Variants in LIMS1 observed in about 807,000 individuals in gnomAD.
The protein encoded by LIMS1 is LIM and senescent cell antigen-like-containing domain protein 1.
In LIMS1, 18 loss-of-function variants were observed where a neutral mutation model predicts 44.1. The observed-to-expected ratio is 0.41, with a 90% CI of 0.28 to 0.61. LIMS1 has a LOEUF of 0.61. Ranked by LOEUF, LIMS1 falls within the 20% of genes least tolerant of loss-of-function variation. The probability of loss-of-function intolerance (pLI) is 0.32; values close to 1 mark genes in which losing one functional copy is unlikely to be tolerated. For missense variants in LIMS1, 201 were observed against 422.0 expected (o/e 0.48, Z 4.59); for synonymous variants, 93 against 149.1 (o/e 0.62, Z 2.74).
chr2:108,649,477 A>AT (rs1690307496), intron 1 of LIMS1, among the ~76,000 whole-genome samples: 1 of 152,254 alleles, frequency 6.6e-6, no homozygotes, highest in African/African-American at 2.4e-5. Context: ...ATTACTGGGT[A>AT]TATACCCAAA....
At chr2:108,540,535 C>A (rs142990804) in intron 1 of LIMS1, among the ~76,000 whole-genome samples, 185 of 152,130 alleles carry the variant, frequency 1.2e-3, no homozygotes, top group African/African-American at 4.4e-3. Flanking sequence ...TTGTGGAATT[C>A]GTGGTAGTAT....
chr2:108,621,287 T>G, intron 1 of LIMS1: 1 of 1,539,736 alleles, frequency 6.5e-7, no homozygotes, highest in Non-Finnish European at 8.8e-7. Context: ...GACGCTGCTT[T>G]CCCCTGGCAG....
At chr2:108,537,699 C>T (rs1684186833) in intron 1 of LIMS1, among the ~76,000 whole-genome samples, 1 of 152,228 alleles carries the variant, frequency 6.6e-6, no homozygotes, top group African/African-American at 2.4e-5. Context: ...GAAAACTGTC[C>T]ATCAGGATTG....
intron 1 of LIMS1, among the ~76,000 whole-genome samples, chr2:108,613,612 T>C (rs1687776600): frequency 6.6e-6 from 1 of 152,174 alleles, no homozygotes; most frequent in Admixed American, 6.5e-5. Context: ...ACAGCTGTGC[T>C]GGTCCTTACC....
chr2:108,655,009 A>G (rs1422049992), intron 1 of LIMS1: 1 of 1,608,610 alleles, frequency 6.2e-7, no homozygotes, highest in Non-Finnish European at 8.5e-7. Context: ...AGGCCTGGAT[A>G]TTGTTTCTCC....
chr2:108,582,726 C>CCA (rs1386344199), intron 1 of LIMS1, among the ~76,000 whole-genome samples: 8 of 152,138 alleles, frequency 5.3e-5, no homozygotes, highest in Non-Finnish European at 1.0e-4. Context: ...CAAGATCATA[C>CCA]CACTGCCTGG....
chr2:108,687,209 C>A (rs1410503709), exon 10 of LIMS1: 1 of 152,040 alleles, frequency 6.6e-6, no homozygotes, highest in Non-Finnish European at 1.5e-5. Context: ...ACAGTATATT[C>A]TTGGTGCTTA....
intron 1 of LIMS1, chr2:108,621,610 G>A: frequency 1.5e-6 from 1 of 648,256 alleles, no homozygotes; most frequent in Non-Finnish European, 2.8e-6. Flanking sequence ...ACAATATCAA[G>A]ATTGTACTGA....
At chr2:108,548,805 G>GATGGGAACTCCAAGGATATAAGGC (rs1287966044) in intron 1 of LIMS1, among the ~76,000 whole-genome samples, 1 of 152,162 alleles carries the variant, frequency 6.6e-6, no homozygotes, top group Non-Finnish European at 1.5e-5. Flanking sequence ...TGTGGAGGGT[G>GATGGGAACTCCAAGGATATAAGGC]ATGGGAACTC....
At chr2:108,536,651 A>T (rs1684152502) in intron 1 of LIMS1, among the ~76,000 whole-genome samples, 2 of 152,148 alleles carry the variant, frequency 1.3e-5, no homozygotes, top group African/African-American at 4.8e-5. Flanking sequence ...CATGATCATG[A>T]CTTACTGCAC....
chr2:108,647,234 G>A (rs1690133474), intron 1 of LIMS1, among the ~76,000 whole-genome samples: 1 of 152,112 alleles, frequency 6.6e-6, no homozygotes. Flanking sequence ...ATAAATCGCT[G>A]GACATGTACA....
intron 1 of LIMS1, among the ~76,000 whole-genome samples, chr2:108,574,666 A>G (rs905805972): frequency 1.3e-5 from 2 of 152,198 alleles, no homozygotes; most frequent in African/African-American, 2.4e-5. Flanking sequence ...AGGTATTACT[A>G]TACCTGTTTT....
intron 7 of LIMS1, 72 bp from the exon 8 acceptor site, chr2:108,677,907 C>G (rs1304349591): frequency 1.3e-6 from 2 of 1,524,396 alleles, no homozygotes; most frequent in East Asian, 4.5e-5. Context: ...AGATAGCCAG[C>G]TATTTTTAAA....
chr2:108,675,894 G>T (rs776581560), exon 6 of LIMS1: 2 of 1,613,950 alleles, frequency 1.2e-6, no homozygotes, highest in Admixed American at 3.3e-5. Flanking sequence ...GCTGACTGCC[G>T]ATGCACGGGA....
At chr2:108,573,338 C>CT (rs1234365567) in intron 1 of LIMS1, among the ~76,000 whole-genome samples, 1 of 147,344 alleles carries the variant, frequency 6.8e-6, no homozygotes, top group Admixed American at 6.8e-5. Context: ...GTACAGTGAT[C>CT]TTTTGGCCAT....
intron 1 of LIMS1, among the ~76,000 whole-genome samples, chr2:108,582,258 T>A (rs1685916438): frequency 6.6e-6 from 1 of 152,162 alleles, no homozygotes; most frequent in Non-Finnish European, 1.5e-5. Context: ...AGTGGGAACT[T>A]GTGGAGCATT....
chr2:108,559,319 A>G (rs568932749), intron 1 of LIMS1, among the ~76,000 whole-genome samples: 13 of 152,246 alleles, frequency 8.5e-5, no homozygotes, highest in Admixed American at 1.3e-4. Context: ...AAACACTTCA[A>G]AATAACTTGT....
intron 1 of LIMS1, among the ~76,000 whole-genome samples, chr2:108,591,656 C>T (rs1315555406): frequency 2.6e-5 from 4 of 151,898 alleles, no homozygotes; most frequent in East Asian, 3.9e-4. Flanking sequence ...AACAGAGTCT[C>T]ACTGTGTTGC....
intron 1 of LIMS1, among the ~76,000 whole-genome samples, chr2:108,606,423 G>A (rs773138303): frequency 6.6e-6 from 1 of 152,196 alleles, no homozygotes; most frequent in Non-Finnish European, 1.5e-5. Context: ...TCACTGAACC[G>A]AGGACTTTTT....
Sources: gnomAD v4.1 joint callset for allele counts (sites outside exome capture counted in the v4.1 genomes callset) on GRCh38, gnomAD v4.1.1 for gene constraint, MANE v1.5 for transcripts, NCBI Gene and HGNC (gene_info 2026-07-23, HGNC 2026-07-21) for gene names.